Variants in SGK3 observed in about 807,000 individuals in gnomAD.
SGK3 encodes serum/glucocorticoid regulated kinase family member 3.
SGK3 carries 47 observed loss-of-function variants against 68.5 expected under a neutral mutation model. That is an observed-to-expected ratio of 0.69 (90% CI 0.54 to 0.87). SGK3 has a LOEUF of 0.87. Among genes scored for constraint, SGK3 ranks in the 40% least tolerant of loss-of-function variants. SGK3 has a pLI of 0.00. For synonymous variants in SGK3, 181 were observed against 189.1 expected, an observed-to-expected ratio of 0.96 and a Z score of 0.35; for missense variants, 479 against 575.5, an observed-to-expected ratio of 0.83 and a Z score of 1.72.
Position 66,715,694 on chromosome 8 carries a change from A to C in SGK3, c.-122+2861A>C, listed in dbSNP as rs371815179. ...GAATTTAGCATAAAGGGTCTTTAAAAACACACACAAAATTCCTCAACTATT... is the reference window on the plus strand; with the variant it reads ...GAATTTAGCATAAAGGGTCTTTAAACACACACACAAAATTCCTCAACTATT... On this transcript the variant is annotated intron_variant, in intron 1 of 16. Transcript: ENST00000521198. Among the ~76,000 whole-genome samples the C allele has an allele frequency of 1.2e-4, 18 of 152,338 alleles. No homozygotes were observed. The South Asian group carries it at 3.7e-3, about 32-fold the overall frequency.
intron 3 of SGK3, among the ~76,000 whole-genome samples, chr8:66,801,567 C>T (rs1807946402): frequency 6.6e-6 from 1 of 152,052 alleles, no homozygotes; most frequent in Non-Finnish European, 1.5e-5. Context: ...CAACTGTACC[C>T]ACCAGGATGC....
At chr8:66,780,313 A>G (rs1051882819) in intron 1 of SGK3, among the ~76,000 whole-genome samples, 3 of 152,198 alleles carry the variant, frequency 2.0e-5, no homozygotes, top group African/African-American at 4.8e-5. Context: ...GAATAAGTCA[A>G]TGAAAGGTTT....
At chr8:66,737,638 C>T (rs1207841684) in intron 1 of SGK3, 3 of 139,386 alleles carry the variant, frequency 2.2e-5, no homozygotes, top group African/African-American at 8.3e-5. Flanking sequence ...TTTTTTTTGA[C>T]AGAGTCTCGC....
chr8:66,766,494 G>A (rs1806323391), intron 1 of SGK3, among the ~76,000 whole-genome samples: 1 of 152,130 alleles, frequency 6.6e-6, no homozygotes, highest in Non-Finnish European at 1.5e-5. Flanking sequence ...CTGCATTTCA[G>A]CCTGGGCGAC....
chr8:66,749,594 T>G (rs1427044475), intron 1 of SGK3, among the ~76,000 whole-genome samples: 1 of 152,086 alleles, frequency 6.6e-6, no homozygotes, highest in Non-Finnish European at 1.5e-5. Flanking sequence ...CGTGATTTGC[T>G]TTTCTTTGAA....
At chr8:66,810,768 A>T (rs1267188614) in intron 4 of SGK3, among the ~76,000 whole-genome samples, 1 of 152,126 alleles carries the variant, frequency 6.6e-6, no homozygotes, top group Non-Finnish European at 1.5e-5. Flanking sequence ...TTTTTAACTT[A>T]TCTCATGGTT....
Position 66,731,412 on chromosome 8 carries a change from G to A in SGK3, c.-122+18579G>A, listed in dbSNP as rs373644115. Among the ~76,000 whole-genome samples the A allele has an allele frequency of 2.0e-3, 307 of 152,170 alleles. 1 individual carries two copies. The highest frequency in any genetic ancestry group is 6.6e-3 in the African/African-American group (276 of 41,514). On this transcript the variant is annotated intron_variant, in intron 1 of 16. Transcript: ENST00000521198. The stretch of plus-strand genomic sequence containing the variant: ...CATATTAGAATAAATATGAAAATTC[G>A]TTACCAAGATAAAAGGCTCAAATGG...
intron 1 of SGK3, among the ~76,000 whole-genome samples, chr8:66,753,159 C>T (rs1460378722): frequency 6.6e-6 from 1 of 152,168 alleles, no homozygotes. Context: ...ATTATCACAA[C>T]AATCACGAGA....
At chr8:66,742,034 G>A (rs980809757) in intron 1 of SGK3, among the ~76,000 whole-genome samples, 1 of 152,210 alleles carries the variant, frequency 6.6e-6, no homozygotes, top group Admixed American at 6.5e-5. Context: ...TCCTTGGGAA[G>A]TACATTACAA....
chr8:66,859,472 C>G lies in SGK3; in HGVS notation c.1382C>G (p.Ser461Cys), dbSNP rs747155026. The change falls in exon 17 of 17, where the codon TCT becomes TGT. Residue 461 changes from serine to cysteine, a missense_variant. Ser to Cys is a moderately radical substitution (Grantham distance 112, BLOSUM62 -1). This residue lies in a region of SGK3 where 173 missense variants were observed against 214.3 expected (regional missense o/e 0.81). Transcript: ENST00000521198. ...TAFTEETVPY[S>C]VCVSSDYSIV... The stretch of plus-strand genomic sequence containing the variant: ...TTTACAGAAGAAACAGTTCCATATT[C>G]TGTGTGTGTATCTTCTGACTATTCT... 6.2e-7 allele frequency: 1 copy of G among 1,612,968 alleles called. No homozygotes were observed. Among genetic ancestry groups the G allele is most frequent in the Non-Finnish European group, 8.5e-7 (1 of 1,179,250 alleles).
chr8:66,815,299 G>C (rs908905301), intron 5 of SGK3, among the ~76,000 whole-genome samples: 6 of 152,164 alleles, frequency 3.9e-5, no homozygotes, highest in African/African-American at 1.4e-4. Flanking sequence ...GGTAAGGCAA[G>C]GGTCAGGCAG....
chr8:66,770,857 A>G (rs183710899), intron 1 of SGK3, among the ~76,000 whole-genome samples: 13 of 152,242 alleles, frequency 8.5e-5, no homozygotes, highest in Admixed American at 7.9e-4. Context: ...CTGGATTCAT[A>G]GCCCCATCCT....
chr8:66,790,323 G>C (rs887095946), intron 1 of SGK3, among the ~76,000 whole-genome samples: 12 of 152,168 alleles, frequency 7.9e-5, no homozygotes, highest in African/African-American at 1.9e-4. Flanking sequence ...AGCATCCCTT[G>C]TGAAACAACT....
At chr8:66,749,400 A>G (rs1438464830) in intron 1 of SGK3, among the ~76,000 whole-genome samples, 1 of 152,032 alleles carries the variant, frequency 6.6e-6, no homozygotes, top group African/African-American at 2.4e-5. Context: ...CAAAAAACAA[A>G]AACAAAAACG....
In SGK3 at chr8:66,850,911, T is replaced by G. The variant is rs1810255608; in HGVS notation, c.1311T>G (p.Asn437Lys). ...LVQKKIPPPF[N>K]PNVAGPDDIR... Reference sequence around the variant, plus strand: ...AAAAGAAGATTCCACCACCATTTAATCCTAATGTGGTAAGTATATATCCAA... The same window carrying G: ...AAAAGAAGATTCCACCACCATTTAAGCCTAATGTGGTAAGTATATATCCAA... The change falls in exon 16 of 17, where the codon AAT becomes AAG. Residue 437 changes from asparagine to lysine, a missense_variant. Coordinates refer to ENST00000521198, the MANE Select transcript of SGK3 (RefSeq NM_001033578.3). 1 of 1,610,108 alleles carries G rather than the reference T, an allele frequency of 6.2e-7. No homozygotes were observed. Among genetic ancestry groups the G allele is most frequent in the African/African-American group, 1.3e-5 (1 of 74,882 alleles).
intron 15 of SGK3, among the ~76,000 whole-genome samples, chr8:66,849,226 T>C (rs1450155779): frequency 6.6e-6 from 1 of 152,208 alleles, no homozygotes; most frequent in African/African-American, 2.4e-5. Context: ...AACTCTAGAC[T>C]TACATAGTAT....
intron 1 of SGK3, among the ~76,000 whole-genome samples, chr8:66,776,993 C>T (rs1806738703): frequency 1.3e-5 from 2 of 152,022 alleles, no homozygotes; most frequent in Non-Finnish European, 2.9e-5. Flanking sequence ...GTTTTATTGG[C>T]GAAGTTTTCT....
Position 66,764,017 on chromosome 8 carries a change from A to G in SGK3, c.-121-29599A>G, listed in dbSNP as rs1267208659. On this transcript the variant is annotated intron_variant, in intron 1 of 16. Coordinates refer to ENST00000521198, the MANE Select transcript of SGK3 (RefSeq NM_001033578.3). Reference sequence around the variant, plus strand: ...CTCCCGAGTAGCTGGAACTACAGGCATGTGCCACCACACCCGGCTAATTTT... The same window carrying G: ...CTCCCGAGTAGCTGGAACTACAGGCGTGTGCCACCACACCCGGCTAATTTT... Among the ~76,000 whole-genome samples the G allele has an allele frequency of 2.0e-5, 3 of 152,242 alleles. No homozygotes were observed. The East Asian group carries it at 5.8e-4, about 29-fold the overall frequency.
At position 66,793,646 on chromosome 8, in the gene SGK3, A is replaced by G; in HGVS notation, c.-91A>G. The G allele has an allele frequency of 1.7e-6, 2 of 1,204,136 alleles. No homozygotes were observed. Among genetic ancestry groups the G allele is most frequent in the Non-Finnish European group, 2.3e-6 (2 of 874,336 alleles). 74.6% of individuals were successfully genotyped at this position (1,204,136 alleles called of 1,614,324 possible). ...ATGATGGAATTTGAACATTACTTCA[A>G]GAGGTTTTGTATTTTGGATTAGTTA... On this transcript the variant is annotated 5_prime_UTR_variant, in exon 2 of 17. Coordinates refer to ENST00000521198, the MANE Select transcript of SGK3 (RefSeq NM_001033578.3).
Sources: allele counts gnomAD v4.1 joint callset (sites outside exome capture counted in the v4.1 genomes callset), GRCh38; gene constraint gnomAD v4.1.1; regional missense constraint gnomAD v4.1.1; transcripts MANE v1.5; gene names NCBI Gene and HGNC (gene_info 2026-07-23, HGNC 2026-07-21).